VAX2: variants seen among roughly 807,000 people sequenced by gnomAD.
The protein encoded by VAX2 is ventral anterior homeobox 2.
In VAX2, 8 loss-of-function variants were observed where a neutral mutation model predicts 12.5. That is an observed-to-expected ratio of 0.64 (90% CI 0.37 to 1.15). VAX2 has a LOEUF of 1.15. Ranked by LOEUF, VAX2 falls within the 50% of genes most tolerant of loss-of-function variation. The pLI, the probability that VAX2 is intolerant of heterozygous loss-of-function variation, is 0.01. For synonymous variants in VAX2, 183 were observed against 187.6 expected (o/e 0.98, Z 0.20); for missense variants, 476 against 412.9 (o/e 1.15, Z -1.32).
chr2:70,923,796 G>A (rs554813045), intron 2 of VAX2, among the ~76,000 whole-genome samples: 772 of 72,014 alleles, frequency 0.011, 5 homozygotes, highest in African/African-American at 0.034. Context: ...GCACTTCCAC[G>A]TGTTCGCCAA....
At chr2:70,916,503 C>G (rs1553411961) in intron 1 of VAX2, among the ~76,000 whole-genome samples, 2 of 152,186 alleles carry the variant, frequency 1.3e-5, no homozygotes, top group African/African-American at 4.8e-5. Context: ...CACAAAGGAA[C>G]TTCCTCTTAC....
rs1679729236 is a variant in VAX2 at position 70,932,897 on chromosome 2, G to T, written c.566G>T (p.Gly189Val). The change falls in exon 3 of 3, where the codon GGC becomes GTC. Residue 189 changes from glycine to valine, a missense_variant. By Grantham distance (109) the Gly-to-Val change is moderately radical. Transcript: ENST00000234392. ...TSNILRLLEQ[G>V]RLLSVPRAPS... The stretch of plus-strand genomic sequence containing the variant: ...AACATTCTGCGGCTGCTGGAGCAGG[G>T]CCGGCTGCTCTCTGTGCCCAGGGCC... 1 of 1,613,194 alleles carries T rather than the reference G, an allele frequency of 6.2e-7. No homozygotes were observed. The highest frequency in any genetic ancestry group is 8.5e-7 in the Non-Finnish European group (1 of 1,179,942).
intron 1 of VAX2, among the ~76,000 whole-genome samples, chr2:70,907,008 G>C (rs1553410683): frequency 6.6e-6 from 1 of 152,206 alleles, no homozygotes; most frequent in Non-Finnish European, 1.5e-5. Flanking sequence ...ACTTAAATGG[G>C]ACAAAATTCA....
In VAX2 at chr2:70,904,071, C is replaced by T. The variant is rs1678995663; in HGVS notation, c.247+3203C>T. Reference sequence around the variant, plus strand: ...GACCAGAGCTGCTGAGATGATAGGCCGGGCGCATAACAGGCACCCCGCACA... The same window carrying T: ...GACCAGAGCTGCTGAGATGATAGGCTGGGCGCATAACAGGCACCCCGCACA... On this transcript the variant is annotated intron_variant, in intron 1 of 2. Transcript: ENST00000234392. The surrounding 1 kb of genome is among the most constrained non-coding windows in gnomAD (Gnocchi z 4.2). 1.3e-5 allele frequency among the ~76,000 whole-genome samples: 2 copies of T among 152,192 alleles called. No homozygotes were observed. The highest frequency in any genetic ancestry group is 3.9e-4 in the East Asian group (2 of 5,188).
intron 2 of VAX2, among the ~76,000 whole-genome samples, chr2:70,927,818 C>T (rs912927323): frequency 1.3e-5 from 2 of 151,856 alleles, no homozygotes; most frequent in African/African-American, 2.4e-5. Flanking sequence ...CGGAGGGGGG[C>T]GGGGCAGCCA....
intron 2 of VAX2, among the ~76,000 whole-genome samples, chr2:70,923,038 C>A (rs113834061): frequency 3.3e-5 from 5 of 151,766 alleles, no homozygotes; most frequent in Non-Finnish European, 7.4e-5. Flanking sequence ...TGTGTGTGCA[C>A]GTGTGTGCAT....
intron 1 of VAX2, among the ~76,000 whole-genome samples, chr2:70,915,631 A>G (rs752330158): frequency 1.3e-5 from 2 of 152,208 alleles, no homozygotes; most frequent in Non-Finnish European, 2.9e-5. Flanking sequence ...TAATTTTATC[A>G]TCTATGATTT....
intron 2 of VAX2, among the ~76,000 whole-genome samples, chr2:70,929,932 C>T (rs1679657963): frequency 6.6e-6 from 1 of 150,832 alleles, no homozygotes; most frequent in Non-Finnish European, 1.5e-5. Flanking sequence ...GGGCTTTGTT[C>T]ACTGCTGATT....
intron 1 of VAX2, among the ~76,000 whole-genome samples, chr2:70,915,186 A>G (rs931941717): frequency 1.3e-5 from 2 of 151,486 alleles, no homozygotes; most frequent in Non-Finnish European, 1.5e-5. Context: ...CCAAGTTTTT[A>G]GCTTTAATAT....
chr2:70,917,322 C>CAAATAAATAAATAAATAAAT (rs56031108), intron 1 of VAX2, among the ~76,000 whole-genome samples: 14 of 147,382 alleles, frequency 9.5e-5, no homozygotes, highest in East Asian at 4.1e-4. Context: ...ACTCTATCTC[C>CAAATAAATAAATAAATAAAT]AAATAAATAA....
At chr2:70,923,202 C>T (rs1265422824) in intron 2 of VAX2, among the ~76,000 whole-genome samples, 3 of 152,138 alleles carry the variant, frequency 2.0e-5, no homozygotes, top group South Asian at 2.1e-4. Context: ...GCACTGTTCT[C>T]ACTACAACCC....
In VAX2 at chr2:70,900,783, C is replaced by T; in HGVS notation, c.162C>T (p.Pro54=). ...TEVAGTSASS[P]AGSRESGADS... ...TGGCCGGGACCTCAGCCTCCAGTCC[C>T]GCAGGCTCCAGGGAGAGTGGAGCCG... Residue 54 remains proline (P), a synonymous_variant, in exon 1 of 3, where the codon CCC becomes CCT. Transcript: ENST00000234392. 1 of 1,498,788 alleles carries T rather than the reference C, an allele frequency of 6.7e-7. No individual in the cohort carries two copies. The highest frequency in any genetic ancestry group is 8.9e-7 in the Non-Finnish European group (1 of 1,124,544). 92.8% of individuals were successfully genotyped at this position (1,498,788 alleles called of 1,614,324 possible).
intron 1 of VAX2, among the ~76,000 whole-genome samples, chr2:70,906,200 G>C (rs782451138): frequency 1.3e-5 from 2 of 152,242 alleles, no homozygotes; most frequent in African/African-American, 2.4e-5. Flanking sequence ...GGTCTAGGAG[G>C]CTAGTTCATT....
At chr2:70,902,752 C>G (rs2104754562) in intron 1 of VAX2, among the ~76,000 whole-genome samples, 1 of 152,306 alleles carries the variant, frequency 6.6e-6, no homozygotes, top group South Asian at 2.1e-4. Context: ...GACCCTCCAC[C>G]CTGTGAGGTG....
At chr2:70,913,910 GT>G (rs1679251625) in intron 1 of VAX2, among the ~76,000 whole-genome samples, 1 of 152,122 alleles carries the variant, frequency 6.6e-6, no homozygotes, top group Non-Finnish European at 1.5e-5. Context: ...TAAACTACAT[GT>G]TATTCTGTAA....
Position 70,902,250 on chromosome 2 carries a change from A to C in VAX2, c.247+1382A>C, listed in dbSNP as rs1357434978. 2.0e-5 allele frequency among the ~76,000 whole-genome samples: 3 copies of C among 152,116 alleles called. No individual in the cohort carries two copies. The East Asian group carries it at 5.8e-4, about 29-fold the overall frequency. The stretch of plus-strand genomic sequence containing the variant: ...TGACTGATGACTGCCTTGAATACAG[A>C]GACAGGGGCCTTAGCTCTGGGAAAC... On this transcript the variant is annotated intron_variant, in intron 1 of 2. Transcript: ENST00000234392.
At position 70,933,013 on chromosome 2, in the gene VAX2, C is replaced by A. The variant is rs537419945; in HGVS notation, c.682C>A (p.Arg228Ser). The stretch of plus-strand genomic sequence containing the variant: ...AGGTGACCCCAGGAACTCCTCCCCA[C>A]GCCTCAACCCGCTGTCCTCGGCCTC... ...SLGDPRNSSP[R>S]LNPLSSASAS... The change falls in exon 3 of 3, where the codon CGC becomes AGC. Residue 228 changes from arginine (R) to serine (S), a missense_variant. Physicochemically the swap from Arg to Ser is moderately radical, Grantham distance 110 (BLOSUM62 -1). Transcript: ENST00000234392. 1.9e-6 allele frequency: 3 copies of A among 1,597,292 alleles called. No homozygotes were observed. Among genetic ancestry groups the A allele is most frequent in the Non-Finnish European group, 8.5e-7 (1 of 1,171,094 alleles).
At chr2:70,907,231 C>T (rs1266290195) in intron 1 of VAX2, among the ~76,000 whole-genome samples, 1 of 152,240 alleles carries the variant, frequency 6.6e-6, no homozygotes, top group Non-Finnish European at 1.5e-5. Flanking sequence ...CTTTGGGAAG[C>T]ACTGAATTAC....
intron 1 of VAX2, among the ~76,000 whole-genome samples, chr2:70,905,797 G>A (rs1373282312): frequency 1.3e-5 from 2 of 152,194 alleles, no homozygotes; most frequent in East Asian, 1.9e-4. Context: ...ACAGGAAAGG[G>A]AGGAGATGGC....
Sources: gnomAD v4.1 joint callset for allele counts (sites outside exome capture counted in the v4.1 genomes callset) on GRCh38, gnomAD v4.1.1 for gene constraint, Gnocchi (gnomAD v3.1) non-coding constraint, MANE v1.5 for transcripts, NCBI Gene and HGNC (gene_info 2026-07-23, HGNC 2026-07-21) for gene names.